HNF4G: variants seen among roughly 807,000 people sequenced by gnomAD.
HNF4G encodes hepatocyte nuclear factor 4 gamma, also known as hepatocyte nuclear factor 4-gamma.
HNF4G carries 21 observed loss-of-function variants against 50.9 expected under a neutral mutation model. The observed-to-expected ratio is 0.41, with a 90% confidence interval of 0.29 to 0.59. HNF4G has a LOEUF of 0.59. HNF4G is among the 20% of genes least tolerant of loss of function. The pLI is 0.26. For synonymous variants in HNF4G, 198 were observed against 185.6 expected, an observed-to-expected ratio of 1.07 and a Z score of -0.54; for missense variants, 527 against 559.4, an observed-to-expected ratio of 0.94 and a Z score of 0.58.
In HNF4G at chr8:75,477,694, G is replaced by A. The variant is rs145819629; in HGVS notation, c.-143-12395G>A. Among the ~76,000 whole-genome samples, 402 of 152,072 alleles carry A rather than the reference G, an allele frequency of 2.6e-3. 1 individual carries two copies. Among genetic ancestry groups the A allele is most frequent in the African/African-American group, 8.7e-3 (363 of 41,512 alleles). On this transcript the variant is annotated intron_variant, in intron 1 of 10. Transcript: ENST00000354370. ...TATTTTAAAAAGTTCTCTGCCGGGC[G>A]TGGTGGCTCACACCTGTAAACCCAG...
chr8:75,452,272 G>A (rs77206791), intron 1 of HNF4G, among the ~76,000 whole-genome samples: 14,892 of 152,098 alleles, frequency 0.098, 827 homozygotes, highest in Non-Finnish European at 0.12. Context: ...AGTGGTTACA[G>A]TAGTAATATT....
At chr8:75,461,928 ATT>A (rs1554571758) in intron 1 of HNF4G, among the ~76,000 whole-genome samples, 14 of 39,996 alleles carry the variant, frequency 3.5e-4, no homozygotes, top group African/African-American at 1.7e-3. Flanking sequence ...ATATATATAT[ATT>A]TTTTTAGATG....
intron 2 of HNF4G, among the ~76,000 whole-genome samples, chr8:75,510,373 A>T (rs1218100988): frequency 6.6e-6 from 1 of 152,178 alleles, no homozygotes; most frequent in Non-Finnish European, 1.5e-5. Flanking sequence ...AAAACATTTT[A>T]AAATAAATTC....
At chr8:75,537,434 T>C (rs1479830300), upstream of HNF4G, among the ~76,000 whole-genome samples, 2 of 151,978 alleles carry the variant, frequency 1.3e-5, no homozygotes, top group Non-Finnish European at 2.9e-5. Context: ...TTAGTAGAGA[T>C]AGCGTTTTGC....
chr8:75,534,485 T>C (rs1231671443), intron 2 of HNF4G, among the ~76,000 whole-genome samples: 1 of 151,916 alleles, frequency 6.6e-6, no homozygotes, highest in Non-Finnish European at 1.5e-5. Context: ...TCATTTTGTC[T>C]ATCCTAACAG....
chr8:75,489,124 C>T (rs13264750), intron 1 of HNF4G, among the ~76,000 whole-genome samples: 34,577 of 151,960 alleles, frequency 0.23, 5,102 homozygotes, highest in African/African-American at 0.42. Context: ...TGGAGCCACG[C>T]ATATATTCAC....
intron 2 of HNF4G, among the ~76,000 whole-genome samples, chr8:75,491,834 A>T (rs1396120204): frequency 6.6e-6 from 1 of 152,210 alleles, no homozygotes; most frequent in African/African-American, 2.4e-5. Context: ...ACTAAGGATT[A>T]GACCATGAAG....
At chr8:75,521,921 G>T (rs1038926574) in intron 2 of HNF4G, among the ~76,000 whole-genome samples, 1 of 152,024 alleles carries the variant, frequency 6.6e-6, no homozygotes, top group Admixed American at 6.6e-5. Flanking sequence ...AGGATTTTTG[G>T]GTTTATTATG....
At chr8:75,413,300 AGAGGACAAGGGAGG>A (rs1810545438) in intron 1 of HNF4G, among the ~76,000 whole-genome samples, 1 of 79,370 alleles carries the variant, frequency 1.3e-5, no homozygotes, top group African/African-American at 5.1e-5. Context: ...GGAGGACAGG[AGAGGACAAGGGAGG>A]GAAGGGGAGG....
intron 1 of HNF4G, among the ~76,000 whole-genome samples, chr8:75,427,139 G>A (rs1810910191): frequency 6.6e-6 from 1 of 152,118 alleles, no homozygotes; most frequent in South Asian, 2.1e-4. Flanking sequence ...CCATGTACTG[G>A]TTATTTGCAG....
At chr8:75,440,855 A>C (rs830770) in intron 1 of HNF4G, among the ~76,000 whole-genome samples, 127,550 of 151,996 alleles carry the variant, frequency 0.84, 54,252 homozygotes, top group African/African-American at 0.96. Context: ...TTAATTTCTT[A>C]TTATTATTCT....
intron 2 of HNF4G, among the ~76,000 whole-genome samples, chr8:75,496,275 G>T (rs1010242373): frequency 1.3e-5 from 2 of 152,060 alleles, no homozygotes; most frequent in East Asian, 1.9e-4. Context: ...TCTAGTCACG[G>T]TTATCCTTTA....
chr8:75,440,848 A>T (rs1811262362), intron 1 of HNF4G, among the ~76,000 whole-genome samples: 1 of 151,966 alleles, frequency 6.6e-6, no homozygotes, highest in African/African-American at 2.4e-5. Context: ...CAATTAATTA[A>T]TTTCTTATTA....
intron 1 of HNF4G, among the ~76,000 whole-genome samples, chr8:75,542,781 A>G (rs768350623): frequency 1.8e-4 from 27 of 152,172 alleles, no homozygotes; most frequent in Non-Finnish European, 3.2e-4. Flanking sequence ...AACAAACAGT[A>G]GGGCAGCAAG....
At chr8:75,548,904 G>A (rs1339305147) in intron 3 of HNF4G, among the ~76,000 whole-genome samples, 1 of 152,134 alleles carries the variant, frequency 6.6e-6, no homozygotes, top group Non-Finnish European at 1.5e-5. Context: ...AAAAAATAAA[G>A]TTCACAAAAT....
intron 2 of HNF4G, among the ~76,000 whole-genome samples, chr8:75,525,098 C>A (rs2130753612): frequency 6.6e-6 from 1 of 152,230 alleles, no homozygotes; most frequent in African/African-American, 2.4e-5. Context: ...TAGCAGTAAA[C>A]CCACACTGGG....
Position 75,449,009 on chromosome 8 carries a change from T to TG in HNF4G, c.-144+40854dup, listed in dbSNP as rs201951114. On this transcript the variant is annotated intron_variant, in intron 1 of 10. Transcript: ENST00000354370. ...GCATAATTTCACAAAAACTGAGATTTGGGGGGGTATAGCAGTTAGAATGAA... is the reference window on the plus strand; with the variant it reads ...GCATAATTTCACAAAAACTGAGATTTGGGGGGGGTATAGCAGTTAGAATGAA... Among the ~76,000 whole-genome samples the TG allele has an allele frequency of 1.3e-4, 20 of 152,124 alleles. No homozygotes were observed. The East Asian group carries it at 3.1e-3, about 24-fold the overall frequency.
At chr8:75,411,670 C>T (rs555078766) in intron 1 of HNF4G, among the ~76,000 whole-genome samples, 19 of 152,128 alleles carry the variant, frequency 1.2e-4, no homozygotes, top group African/African-American at 4.1e-4. Context: ...TTTTGAAGAA[C>T]ATGAAGGTCT....
chr8:75,486,191 C>T (rs1421380912), intron 1 of HNF4G, among the ~76,000 whole-genome samples: 1 of 152,208 alleles, frequency 6.6e-6, no homozygotes, highest in East Asian at 1.9e-4. Context: ...CATTTGACTT[C>T]TTGACCTTAA....
Sources: allele counts gnomAD v4.1 joint callset (sites outside exome capture counted in the v4.1 genomes callset), GRCh38; gene constraint gnomAD v4.1.1; transcripts MANE v1.5; gene names NCBI Gene and HGNC (gene_info 2026-07-23, HGNC 2026-07-21).